Variants in PRKN observed in about 807,000 individuals in gnomAD.
PRKN encodes the protein parkin RBR E3 ubiquitin protein ligase, also known as E3 ubiquitin-protein ligase parkin.
PRKN carries 56 observed loss-of-function variants against 59.5 expected under a neutral mutation model. That is an observed-to-expected ratio of 0.94 (90% CI 0.76 to 1.18). The LOEUF is 1.18. PRKN is among the 50% of genes most tolerant of loss of function. The probability of loss-of-function intolerance (pLI) is 0.00; values close to 1 mark genes in which losing one functional copy is unlikely to be tolerated. For synonymous variants in PRKN, 250 were observed against 222.1 expected (o/e 1.13, Z -1.12); for missense variants, 657 against 596.4 (o/e 1.10, Z -1.06).
Position 161,394,594 on chromosome 6 carries a change from T to G in PRKN, c.1084-7717A>C, listed in dbSNP as rs569954026. 1.3e-4 allele frequency among the ~76,000 whole-genome samples: 20 copies of G among 152,322 alleles called. 1 individual carries two copies. The East Asian group carries it at 3.9e-3, about 29-fold the overall frequency. Reference sequence around the variant, plus strand: ...ACACCAACATCTATCATCATGCGCGTGCACGTAACCATCCCATCTTTCAGT... The same window carrying G: ...ACACCAACATCTATCATCATGCGCGGGCACGTAACCATCCCATCTTTCAGT... On this transcript the variant is annotated intron_variant, in intron 9 of 11. Coordinates refer to ENST00000366898, the MANE Select transcript of PRKN (RefSeq NM_004562.3).
At chr6:162,708,745 T>TA (rs966836120) in intron 1 of PRKN, among the ~76,000 whole-genome samples, 12 of 152,314 alleles carry the variant, frequency 7.9e-5, no homozygotes, top group African/African-American at 2.6e-4. Flanking sequence ...TGCCCTGACA[T>TA]AGAGTCAGAG....
At chr6:161,739,849 G>T (rs1419047976) in intron 7 of PRKN, among the ~76,000 whole-genome samples, 1 of 152,016 alleles carries the variant, frequency 6.6e-6, no homozygotes, top group East Asian at 1.9e-4. Flanking sequence ...CCACCTCCCG[G>T]GTTCAAGCGA....
At chr6:161,801,233 A>G (rs910628723) in intron 6 of PRKN, among the ~76,000 whole-genome samples, 2 of 152,174 alleles carry the variant, frequency 1.3e-5, no homozygotes, top group African/African-American at 4.8e-5. Flanking sequence ...TGCGGATGCT[A>G]CGGACATTTG....
chr6:162,403,969 C>T (rs140593240), intron 2 of PRKN, among the ~76,000 whole-genome samples: 7 of 152,258 alleles, frequency 4.6e-5, no homozygotes, highest in African/African-American at 1.2e-4. Flanking sequence ...GGCATTAAAC[C>T]GAACCATTCA....
At chr6:162,610,609 C>A (rs1204257415) in intron 1 of PRKN, among the ~76,000 whole-genome samples, 1 of 152,064 alleles carries the variant, frequency 6.6e-6, no homozygotes, top group Admixed American at 6.6e-5. Context: ...TGAAAAGTAT[C>A]CTAAGGCATT....
chr6:162,213,034 C>T (rs1226213457), intron 3 of PRKN, among the ~76,000 whole-genome samples: 2 of 151,980 alleles, frequency 1.3e-5, no homozygotes, highest in African/African-American at 4.8e-5. Flanking sequence ...TGGTGCATGA[C>T]TATATTAGCA....
At chr6:162,449,312 T>C (rs547288813) in intron 1 of PRKN, among the ~76,000 whole-genome samples, 1 of 152,342 alleles carries the variant, frequency 6.6e-6, no homozygotes, top group East Asian at 1.9e-4. Flanking sequence ...CCTACCCTCT[T>C]TGATCCATCA....
chr6:162,426,549 C>G (rs1789247049), intron 2 of PRKN, among the ~76,000 whole-genome samples: 1 of 152,326 alleles, frequency 6.6e-6, no homozygotes, highest in East Asian at 1.9e-4. Context: ...CTCCTGGGCT[C>G]AAGCCATCCT....
intron 7 of PRKN, among the ~76,000 whole-genome samples, chr6:161,647,036 T>C (rs1783982422): frequency 6.6e-6 from 1 of 152,200 alleles, no homozygotes; most frequent in Non-Finnish European, 1.5e-5. Flanking sequence ...AGACATTGAA[T>C]GTTGATATTT....
intron 6 of PRKN, among the ~76,000 whole-genome samples, chr6:161,972,897 G>A (rs1331223723): frequency 6.6e-6 from 1 of 152,142 alleles, no homozygotes; most frequent in Non-Finnish European, 1.5e-5. Context: ...GCTGGGTGTG[G>A]TGGCACATGC....
chr6:162,475,528 T>C (rs567837122), intron 1 of PRKN, among the ~76,000 whole-genome samples: 2 of 152,166 alleles, frequency 1.3e-5, no homozygotes, highest in Non-Finnish European at 2.9e-5. Flanking sequence ...ACCGCGCAGG[T>C]ACATGCATGT....
In PRKN at chr6:161,362,604, C is replaced by T. The variant is rs1785018960; in HGVS notation, c.1168-2399G>A. On this transcript the variant is annotated intron_variant, in intron 10 of 11. Coordinates refer to ENST00000366898, the MANE Select transcript of PRKN (RefSeq NM_004562.3). The surrounding 1 kb of genome is among the most constrained non-coding windows in gnomAD (Gnocchi z 5.2). ...CAGGTTTGGAAAACATTTTTCTGAACATTCCTAACCATCAGGCCTCGGACA... is the reference window on the plus strand; with the variant it reads ...CAGGTTTGGAAAACATTTTTCTGAATATTCCTAACCATCAGGCCTCGGACA... Among the ~76,000 whole-genome samples, 1 of 152,210 alleles carries T rather than the reference C, an allele frequency of 6.6e-6. No homozygotes were observed.
chr6:162,700,995 T>A (rs1486465162), intron 1 of PRKN, among the ~76,000 whole-genome samples: 2 of 152,144 alleles, frequency 1.3e-5, no homozygotes, highest in Admixed American at 6.5e-5. Context: ...TAAACTTTTA[T>A]AAAGCAGAAT....
chr6:162,162,826 G>A (rs1281643589), intron 4 of PRKN, among the ~76,000 whole-genome samples: 1 of 148,364 alleles, frequency 6.7e-6, no homozygotes, highest in East Asian at 1.9e-4. Flanking sequence ...TGGCCAATAT[G>A]GTGAAACCCC....
chr6:161,918,567 G>C (rs757150378), intron 6 of PRKN, among the ~76,000 whole-genome samples: 1 of 152,064 alleles, frequency 6.6e-6, no homozygotes, highest in Non-Finnish European at 1.5e-5. Context: ...GCAAAATACT[G>C]CATGGTATAC....
chr6:161,797,463 C>T (rs1168207252), intron 6 of PRKN, among the ~76,000 whole-genome samples: 1 of 152,140 alleles, frequency 6.6e-6, no homozygotes, highest in East Asian at 1.9e-4. Flanking sequence ...TGGGGTTTCG[C>T]CATGTTGGCC....
chr6:161,767,630 T>C (rs370513346), intron 7 of PRKN, among the ~76,000 whole-genome samples: 9 of 152,260 alleles, frequency 5.9e-5, no homozygotes, highest in African/African-American at 1.7e-4. Context: ...CACAGGAAAT[T>C]TGCTTAGAAA....
At chr6:162,128,245 A>T (rs1482128599) in intron 4 of PRKN, among the ~76,000 whole-genome samples, 4 of 152,224 alleles carry the variant, frequency 2.6e-5, no homozygotes, top group Non-Finnish European at 5.9e-5. Flanking sequence ...AAATATGTAG[A>T]TGTCAAATTA....
At chr6:161,524,614 T>C (rs1213930864) in intron 9 of PRKN, among the ~76,000 whole-genome samples, 1 of 152,128 alleles carries the variant, frequency 6.6e-6, no homozygotes, top group African/African-American at 2.4e-5. Context: ...TAGTTTAAAT[T>C]GAAGGTTTTG....
Sources: allele counts gnomAD v4.1 joint callset (sites outside exome capture counted in the v4.1 genomes callset), GRCh38; gene constraint gnomAD v4.1.1; non-coding constraint Gnocchi (gnomAD v3.1); transcripts MANE v1.5; gene names NCBI Gene and HGNC (gene_info 2026-07-23, HGNC 2026-07-21).